RANBP2: variants seen among roughly 807,000 people sequenced by gnomAD.
RANBP2 encodes the protein E3 SUMO-protein ligase RanBP2.
RANBP2 carries 57 observed loss-of-function variants against 303.6 expected under a neutral mutation model. The ratio of observed to expected loss-of-function variants is 0.19; its 90% CI spans 0.15 to 0.23. The LOEUF is 0.23. RANBP2 is among the 10% of genes least tolerant of loss of function. RANBP2 has a pLI of 1.00. For missense variants in RANBP2, 3,138 were observed against 3,780.8 expected, an observed-to-expected ratio of 0.83 and a Z score of 4.46; for synonymous variants, 1,167 against 1,301.5, an observed-to-expected ratio of 0.90 and a Z score of 2.23.
chr2:108,923,575 G>A, the RANBP2 span: 3 of 811,680 alleles, frequency 3.7e-6, no homozygotes, highest in Non-Finnish European at 6.4e-6. Context: ...ATGAGGCCAC[G>A]CCCACTCAGT....
chr2:109,372,788 C>G, the RANBP2 span, among the ~76,000 whole-genome samples: 6 of 152,144 alleles, frequency 3.9e-5, no homozygotes, highest in African/African-American at 1.4e-4. Flanking sequence ...CTCCATGTGT[C>G]CCCCCTGCCT....
At chr2:109,609,838 C>G in the RANBP2 span, among the ~76,000 whole-genome samples, 7 of 152,024 alleles carry the variant, frequency 4.6e-5, no homozygotes, top group South Asian at 2.1e-4. Flanking sequence ...GTAAGGATAA[C>G]TGAAGAAGTG....
At chr2:108,738,937 G>A (rs1695845461) in intron 6 of RANBP2, among the ~76,000 whole-genome samples, 1 of 151,900 alleles carries the variant, frequency 6.6e-6, no homozygotes, top group Non-Finnish European at 1.5e-5. Flanking sequence ...GCCAATAATA[G>A]CATTTTTTAT....
the RANBP2 span, among the ~76,000 whole-genome samples, chr2:109,045,075 G>A: frequency 6.6e-6 from 1 of 152,176 alleles, no homozygotes; most frequent in Non-Finnish European, 1.5e-5. Context: ...GGCAGAGGGA[G>A]TTGGAGAAAT....
At chr2:108,726,852 C>T (rs1332951959) in intron 1 of RANBP2, among the ~76,000 whole-genome samples, 11 of 149,736 alleles carry the variant, frequency 7.3e-5, no homozygotes, top group South Asian at 2.1e-4. Flanking sequence ...AGCATGCTGC[C>T]TTCAAGCATC....
At chr2:108,814,776 C>T in the RANBP2 span, among the ~76,000 whole-genome samples, 2 of 151,228 alleles carry the variant, frequency 1.3e-5, no homozygotes, top group East Asian at 3.9e-4. Context: ...GATGGGATTA[C>T]AGGCGCCCAC....
At chr2:109,307,384 C>G in the RANBP2 span, among the ~76,000 whole-genome samples, 1 of 151,880 alleles carries the variant, frequency 6.6e-6, no homozygotes, top group Non-Finnish European at 1.5e-5. Flanking sequence ...ACGCTGCATC[C>G]ATGCTCTGGG....
At chr2:108,798,288 G>A in the RANBP2 span, 1 of 751,846 alleles carries the variant, frequency 1.3e-6, no homozygotes, top group African/African-American at 1.8e-5. Flanking sequence ...TACTAGTCTA[G>A]CTACTGTAAT....
At chr2:109,312,338 C>T in the RANBP2 span, among the ~76,000 whole-genome samples, 1 of 152,138 alleles carries the variant, frequency 6.6e-6, no homozygotes, top group Non-Finnish European at 1.5e-5. Flanking sequence ...ATAATTCTAA[C>T]AAGTTTAACG....
the RANBP2 span, among the ~76,000 whole-genome samples, chr2:109,539,739 G>A: frequency 5.9e-5 from 9 of 152,134 alleles, no homozygotes; most frequent in Admixed American, 3.9e-4. Flanking sequence ...CACCGTGCCC[G>A]GCCGCAACCA....
chr2:109,367,023 G>T, the RANBP2 span, among the ~76,000 whole-genome samples: 1 of 150,956 alleles, frequency 6.6e-6, no homozygotes, highest in African/African-American at 2.4e-5. Flanking sequence ...GCATGATCTT[G>T]GTTCACTGCA....
the RANBP2 span, among the ~76,000 whole-genome samples, chr2:108,936,909 T>C: frequency 6.6e-6 from 1 of 152,252 alleles, no homozygotes; most frequent in Non-Finnish European, 1.5e-5. Context: ...CTTGCCAGCC[T>C]GAAGTCCTCA....
At chr2:109,088,136 C>T in the RANBP2 span, among the ~76,000 whole-genome samples, 1 of 152,038 alleles carries the variant, frequency 6.6e-6, no homozygotes, top group Admixed American at 6.6e-5. Context: ...CGGTGGCTCA[C>T]ACCTGTAATC....
the RANBP2 span, among the ~76,000 whole-genome samples, chr2:109,456,409 T>C: frequency 6.6e-6 from 1 of 152,250 alleles, no homozygotes; most frequent in Non-Finnish European, 1.5e-5. Context: ...TTTTGAAGTT[T>C]TCCAGACAGC....
the RANBP2 span, among the ~76,000 whole-genome samples, chr2:109,646,123 C>T: frequency 6.6e-6 from 1 of 152,142 alleles, no homozygotes; most frequent in Non-Finnish European, 1.5e-5. Context: ...ATGCTCTCAC[C>T]CTAGGCTATG....
chr2:109,104,115 T>C, the RANBP2 span, among the ~76,000 whole-genome samples: 1 of 152,060 alleles, frequency 6.6e-6, no homozygotes, highest in Non-Finnish European at 1.5e-5. Context: ...AGATGAAAAT[T>C]TTTCCCACAA....
At chr2:109,244,898 A>G in the RANBP2 span, among the ~76,000 whole-genome samples, 1 of 152,176 alleles carries the variant, frequency 6.6e-6, no homozygotes, top group Non-Finnish European at 1.5e-5. Context: ...GTGTGGACAC[A>G]AGTTAGAAGC....
the RANBP2 span, among the ~76,000 whole-genome samples, chr2:109,293,861 C>T: frequency 3.5e-3 from 539 of 152,342 alleles, 1 homozygote; most frequent in African/African-American, 0.012. Context: ...GCTCCTCTAC[C>T]TCACATTTCC....
chr2:109,216,891 G>C, the RANBP2 span, among the ~76,000 whole-genome samples: 1 of 152,152 alleles, frequency 6.6e-6, no homozygotes, highest in East Asian at 1.9e-4. Flanking sequence ...TCCATCTTCA[G>C]AACTCTTTTC....
Sources: allele counts gnomAD v4.1 joint callset (sites outside exome capture counted in the v4.1 genomes callset), GRCh38; gene constraint gnomAD v4.1.1; transcripts MANE v1.5; gene names NCBI Gene and HGNC (gene_info 2026-07-23, HGNC 2026-07-21).